NBAS: variants seen among roughly 807,000 people sequenced by gnomAD.
NBAS encodes NBAS subunit of NRZ tethering complex.
Under a neutral mutation model 302.5 loss-of-function variants are expected in NBAS, and 219 were observed. The observed-to-expected ratio is 0.72, with a 90% CI of 0.65 to 0.81. The LOEUF is 0.81. Among genes scored for constraint, NBAS ranks in the 30% least tolerant of loss-of-function variants. NBAS has a pLI of 0.00. For missense variants in NBAS, 2,932 were observed against 2,841.6 expected, an observed-to-expected ratio of 1.03 and a Z score of -0.72; for synonymous variants, 1,118 against 1,021.6, an observed-to-expected ratio of 1.09 and a Z score of -1.80.
In NBAS at chr2:15,246,917, C is replaced by T. The variant is rs1448359691; in HGVS notation, c.5725-8231G>A. ...AAGAGGCATGATCATCCTACAACTA[C>T]AACAGGGTAAACACAAGGTGCCATG... On this transcript the variant is annotated intron_variant, in intron 44 of 51. Coordinates refer to ENST00000281513, the MANE Select transcript of NBAS (RefSeq NM_015909.4). Among the ~76,000 whole-genome samples the T allele has an allele frequency of 2.6e-5, 4 of 152,154 alleles. No individual in the cohort carries two copies. The East Asian group carries it at 7.7e-4, about 29-fold the overall frequency.
the NBAS span, among the ~76,000 whole-genome samples, chr2:15,144,779 C>T: frequency 7.9e-5 from 12 of 152,164 alleles, no homozygotes; most frequent in Admixed American, 3.3e-4. Context: ...CCATATGTTA[C>T]GATACAGGTG....
the NBAS span, among the ~76,000 whole-genome samples, chr2:15,042,602 G>C: frequency 1.3e-5 from 2 of 152,208 alleles, no homozygotes; most frequent in Non-Finnish European, 2.9e-5. Flanking sequence ...ACTGAAACTA[G>C]CATATTCCCT....
the NBAS span, among the ~76,000 whole-genome samples, chr2:14,953,379 C>T: frequency 6.6e-6 from 1 of 152,224 alleles, no homozygotes; most frequent in African/African-American, 2.4e-5. Context: ...AAAGGATCCA[C>T]ATTCATTTTC....
intron 42 of NBAS, among the ~76,000 whole-genome samples, chr2:15,277,971 C>G (rs1370409842): frequency 6.6e-6 from 1 of 152,068 alleles, no homozygotes; most frequent in East Asian, 1.9e-4. Flanking sequence ...GCCCTGCATT[C>G]ACAGAAGTAC....
chr2:15,326,567 ATAAT>A (rs929790747), intron 38 of NBAS, among the ~76,000 whole-genome samples: 62 of 152,340 alleles, frequency 4.1e-4, no homozygotes, highest in African/African-American at 1.3e-3. Flanking sequence ...GTAATAAAGA[ATAAT>A]TAAACAGGGA....
chr2:15,506,303 T>C (rs372818349), intron 10 of NBAS, among the ~76,000 whole-genome samples: 5 of 152,110 alleles, frequency 3.3e-5, no homozygotes, highest in South Asian at 2.1e-4. Flanking sequence ...AAAGAACCAA[T>C]GCATACCCAG....
chr2:15,499,776 T>G (rs1246553825), intron 11 of NBAS, among the ~76,000 whole-genome samples: 2 of 152,132 alleles, frequency 1.3e-5, no homozygotes, highest in Non-Finnish European at 2.9e-5. Context: ...AAAGTTAAAT[T>G]TTTTAAAAAA....
intron 48 of NBAS, among the ~76,000 whole-genome samples, chr2:15,205,348 G>A (rs1368656170): frequency 6.6e-6 from 1 of 151,854 alleles, no homozygotes; most frequent in Non-Finnish European, 1.5e-5. Context: ...AGAAGGAAGA[G>A]AAGACAACAA....
intron 9 of NBAS, among the ~76,000 whole-genome samples, chr2:15,532,840 T>A (rs1663288088): frequency 6.6e-6 from 1 of 151,542 alleles, no homozygotes; most frequent in South Asian, 2.1e-4. Context: ...TAAGAAAAAA[T>A]TTTTAAGAAA....
intron 44 of NBAS, among the ~76,000 whole-genome samples, chr2:15,271,253 C>A (rs1669308516): frequency 6.6e-6 from 1 of 151,998 alleles, no homozygotes; most frequent in East Asian, 1.9e-4. Context: ...CAGTGGAGAT[C>A]AAAATTAGGC....
In NBAS at chr2:15,190,743, T is replaced by C. The variant is rs187748582; in HGVS notation, c.6433-340A>G. 1.1e-4 allele frequency among the ~76,000 whole-genome samples: 17 copies of C among 152,268 alleles called. No homozygotes were observed. The South Asian group carries it at 2.5e-3, about 22-fold the overall frequency. On this transcript the variant is annotated intron_variant, in intron 48 of 51. Coordinates refer to ENST00000281513, the MANE Select transcript of NBAS (RefSeq NM_015909.4). ...TGTAATATTTCACCATCCTCAACAT[T>C]AGGTGAATTTTTTAAAGTTTAAGTT... is the stretch of plus-strand genomic sequence containing the variant.
At chr2:15,015,607 C>T in the NBAS span, among the ~76,000 whole-genome samples, 1 of 152,120 alleles carries the variant, frequency 6.6e-6, no homozygotes. Context: ...ATAAAAATCT[C>T]TCAATAAATA....
intron 44 of NBAS, among the ~76,000 whole-genome samples, chr2:15,273,801 T>C (rs1057388103): frequency 1.3e-5 from 2 of 151,882 alleles, no homozygotes; most frequent in Non-Finnish European, 2.9e-5. Context: ...ATTGGCCGGG[T>C]GCAGTGGCTC....
At chr2:15,528,344 A>G (rs13010658) in intron 9 of NBAS, among the ~76,000 whole-genome samples, 75,503 of 149,720 alleles carry the variant, frequency 0.5, 22,498 homozygotes, top group Non-Finnish European at 0.67. Context: ...TCTAGTTTAC[A>G]TATATAGATT....
At chr2:15,259,229 AT>A (rs1339496692) in intron 44 of NBAS, among the ~76,000 whole-genome samples, 4 of 152,232 alleles carry the variant, frequency 2.6e-5, no homozygotes, top group African/African-American at 9.6e-5. Context: ...GCAGAGAAAC[AT>A]GATTTTAAGC....
At chr2:15,401,422 G>A (rs1676147375) in intron 26 of NBAS, among the ~76,000 whole-genome samples, 1 of 150,438 alleles carries the variant, frequency 6.6e-6, no homozygotes, top group African/African-American at 2.5e-5. Flanking sequence ...CAAAGAGAAA[G>A]AGAAAACAGA....
At chr2:15,411,856 C>T (rs1003774653) in intron 25 of NBAS, among the ~76,000 whole-genome samples, 9 of 152,226 alleles carry the variant, frequency 5.9e-5, no homozygotes, top group African/African-American at 2.2e-4. Context: ...GGCACAGATA[C>T]ACTCAAAGAT....
intron 21 of NBAS, among the ~76,000 whole-genome samples, chr2:15,453,623 C>T (rs79173463): frequency 0.013 from 1,939 of 152,222 alleles, 32 homozygotes; most frequent in East Asian, 0.059. Flanking sequence ...AATGGCAACA[C>T]CGAAAACATA....
the NBAS span, among the ~76,000 whole-genome samples, chr2:15,032,098 T>C: frequency 6.6e-6 from 1 of 152,334 alleles, no homozygotes; most frequent in Admixed American, 6.5e-5. Flanking sequence ...CCCCAGGGGT[T>C]AAACTAATAC....
Sources: gnomAD v4.1 joint callset for allele counts (sites outside exome capture counted in the v4.1 genomes callset) on GRCh38, gnomAD v4.1.1 for gene constraint, MANE v1.5 for transcripts, NCBI Gene and HGNC (gene_info 2026-07-23, HGNC 2026-07-21) for gene names.